Variants in TBC1D19 observed in about 807,000 individuals in gnomAD.
TBC1D19 encodes TBC1 domain family, member 19.
In TBC1D19, 60 loss-of-function variants were observed where a neutral mutation model predicts 89.0. The ratio of observed to expected loss-of-function variants is 0.67; its 90% confidence interval spans 0.55 to 0.84. TBC1D19 has a LOEUF of 0.84. TBC1D19 is among the 40% of genes least tolerant of loss of function. TBC1D19 has a pLI of 0.00. For synonymous variants in TBC1D19, 189 were observed against 199.7 expected (o/e 0.95, Z 0.45); for missense variants, 500 against 610.8 (o/e 0.82, Z 1.91).
chr4:26,715,090 T>A (rs1436842037), intron 13 of TBC1D19, among the ~76,000 whole-genome samples: 2 of 152,030 alleles, frequency 1.3e-5, no homozygotes, highest in Non-Finnish European at 2.9e-5. Context: ...AATTTGTATC[T>A]TCAGTTTAAA....
At chr4:26,759,589 C>A (rs1478572112), downstream of TBC1D19, among the ~76,000 whole-genome samples, 1 of 152,098 alleles carries the variant, frequency 6.6e-6, no homozygotes, top group Admixed American at 6.6e-5. Context: ...TTCCATCTCC[C>A]AAAATAGTTC....
chr4:26,752,533 AC>A (rs1719027596), intron 19 of TBC1D19, among the ~76,000 whole-genome samples: 1 of 152,148 alleles, frequency 6.6e-6, no homozygotes, highest in Non-Finnish European at 1.5e-5. Context: ...GGCATGAGTC[AC>A]TGTGCCCAGT....
intron 7 of TBC1D19, among the ~76,000 whole-genome samples, chr4:26,652,239 G>A (rs749981540): frequency 1.3e-5 from 2 of 151,402 alleles, no homozygotes; most frequent in Non-Finnish European, 2.9e-5. Flanking sequence ...AAATGAGTTA[G>A]GGAGGATTCC....
chr4:26,610,385 A>T (rs893034093), intron 1 of TBC1D19, among the ~76,000 whole-genome samples: 1 of 147,094 alleles, frequency 6.8e-6, no homozygotes, highest in Non-Finnish European at 1.5e-5. Context: ...TGATAACATG[A>T]TATTTATGGT....
upstream of TBC1D19, chr4:26,583,987 G>T: frequency 1.8e-6 from 1 of 565,574 alleles, no homozygotes; most frequent in Non-Finnish European, 3.1e-6. Context: ...TTCCGCCGGC[G>T]GAACGCAGAT....
the TBC1D19 span, among the ~76,000 whole-genome samples, chr4:26,834,990 C>T: frequency 6.6e-6 from 1 of 152,142 alleles, no homozygotes; most frequent in South Asian, 2.1e-4. Flanking sequence ...GCCCTTACTC[C>T]CTGTGGTAGG....
chr4:26,825,972 C>T, the TBC1D19 span, among the ~76,000 whole-genome samples: 5 of 152,246 alleles, frequency 3.3e-5, no homozygotes, highest in East Asian at 1.9e-4. Context: ...GAGGCTTAGG[C>T]GGGCGAATCA....
intron 14 of TBC1D19, among the ~76,000 whole-genome samples, chr4:26,718,551 A>G (rs1165414646): frequency 6.6e-6 from 1 of 152,072 alleles, no homozygotes; most frequent in Non-Finnish European, 1.5e-5. Flanking sequence ...TTTTTATTAA[A>G]TGGTGAACAC....
At chr4:26,726,505 G>T (rs1256190401) in intron 15 of TBC1D19, among the ~76,000 whole-genome samples, 1 of 152,070 alleles carries the variant, frequency 6.6e-6, no homozygotes, top group Non-Finnish European at 1.5e-5. Context: ...TTTAAATGTG[G>T]TTATGTTCCT....
At chr4:26,599,491 AC>A (rs566432086) in intron 1 of TBC1D19, among the ~76,000 whole-genome samples, 1 of 151,976 alleles carries the variant, frequency 6.6e-6, no homozygotes, top group East Asian at 1.9e-4. Context: ...AGATTTCCCC[AC>A]CCCCCACCAT....
intron 15 of TBC1D19, among the ~76,000 whole-genome samples, chr4:26,728,684 G>A (rs1033533675): frequency 5.9e-5 from 9 of 152,130 alleles, no homozygotes; most frequent in African/African-American, 2.2e-4. Context: ...AATTTTTTTA[G>A]TTTCTAGAAT....
At chr4:26,811,474 G>A in the TBC1D19 span, among the ~76,000 whole-genome samples, 1 of 130,694 alleles carries the variant, frequency 7.7e-6, no homozygotes, top group Admixed American at 7.6e-5. Flanking sequence ...AGTGGAATTG[G>A]AGGTGACGAG....
At chr4:26,657,549 T>C (rs1021335493) in intron 7 of TBC1D19, among the ~76,000 whole-genome samples, 1 of 152,222 alleles carries the variant, frequency 6.6e-6, no homozygotes, top group Non-Finnish European at 1.5e-5. Context: ...TAAACATACA[T>C]GTGCATGTGT....
chr4:26,779,911 G>A, the TBC1D19 span, among the ~76,000 whole-genome samples: 1 of 152,220 alleles, frequency 6.6e-6, no homozygotes, highest in Non-Finnish European at 1.5e-5. Flanking sequence ...TCCACACTGG[G>A]TTTGGCTGTA....
chr4:26,736,666 T>C (rs1718068874), intron 16 of TBC1D19, among the ~76,000 whole-genome samples: 1 of 152,328 alleles, frequency 6.6e-6, no homozygotes, highest in South Asian at 2.1e-4. Context: ...CTTAAATTCC[T>C]AAGGTAATTC....
the TBC1D19 span, among the ~76,000 whole-genome samples, chr4:26,808,242 G>A: frequency 6.6e-6 from 1 of 152,204 alleles, no homozygotes; most frequent in Non-Finnish European, 1.5e-5. Context: ...TGTGGAGTCA[G>A]ATGATACTAT....
At chr4:26,840,950 C>T in the TBC1D19 span, among the ~76,000 whole-genome samples, 1 of 152,156 alleles carries the variant, frequency 6.6e-6, no homozygotes, top group African/African-American at 2.4e-5. Context: ...CTCTCCTCCT[C>T]TAACCCTTCC....
chr4:26,854,015 T>C, the TBC1D19 span, among the ~76,000 whole-genome samples: 4 of 152,202 alleles, frequency 2.6e-5, no homozygotes, highest in Non-Finnish European at 5.9e-5. Flanking sequence ...TGCAAACACA[T>C]TCTGAAACAC....
At chr4:26,681,497 A>G (rs1035860093) in intron 11 of TBC1D19, among the ~76,000 whole-genome samples, 16 of 151,976 alleles carry the variant, frequency 1.1e-4, no homozygotes, top group South Asian at 6.2e-4. Flanking sequence ...GTTGCAGTGC[A>G]CCGAGATCGT....
Sources: gnomAD v4.1 joint callset for allele counts (sites outside exome capture counted in the v4.1 genomes callset) on GRCh38, gnomAD v4.1.1 for gene constraint, MANE v1.5 for transcripts, NCBI Gene and HGNC (gene_info 2026-07-23, HGNC 2026-07-21) for gene names.